CISD2: variants seen among roughly 807,000 people sequenced by gnomAD.
The protein encoded by CISD2 is CDGSH iron-sulfur domain-containing protein 2.
CISD2 carries 1 observed loss-of-function variant against 12.9 expected under a neutral mutation model. The observed-to-expected ratio is 0.08, with a 90% CI of 0.03 to 0.37. CISD2 has a LOEUF of 0.37. Among genes scored for constraint, CISD2 ranks in the 10% least tolerant of loss-of-function variants. CISD2 has a pLI of 0.99. For synonymous variants in CISD2, 50 were observed against 60.6 expected (o/e 0.83, Z 0.81); for missense variants, 97 against 163.1 (o/e 0.59, Z 2.21).
Position 102,887,887 on chromosome 4 carries a change from ATTAC to A in CISD2, c.*460_*463del, listed in dbSNP as rs766208295. 1.9e-4 allele frequency: 31 copies of A among 160,452 alleles called. No homozygotes were observed. Among genetic ancestry groups the A allele is most frequent in the Non-Finnish European group, 3.3e-4 (24 of 73,420 alleles). 9.9% of individuals were successfully genotyped at this position (160,452 alleles called of 1,614,324 possible). A position where few individuals can be genotyped will look rare whatever the true frequency, so the allele number is the denominator to read the frequency against. ...ATTAAGAAAAATATTGCCATCAAGA[ATTAC>A]TTGTGTTTTCACAGAGATAGACTCT... On this transcript the variant is annotated 3_prime_UTR_variant, in exon 3 of 3. Transcript: ENST00000273986.
At chr4:102,886,552 A>G (rs1361894450) in intron 2 of CISD2, among the ~76,000 whole-genome samples, 9 of 152,074 alleles carry the variant, frequency 5.9e-5, no homozygotes, top group Admixed American at 3.3e-4. Flanking sequence ...CCAAACTGTT[A>G]ATTATTATTA....
chr4:102,869,400 C>T, intron 1 of CISD2: 1 of 723,706 alleles, frequency 1.4e-6, no homozygotes, highest in South Asian at 1.5e-5. Flanking sequence ...GTCTTTTGTC[C>T]TCGGAGTTGT....
At position 102,889,580 on chromosome 4, in the gene CISD2, A is replaced by G. The variant is rs1187593127; in HGVS notation, c.*2150A>G. Reference sequence around the variant, plus strand: ...ACATTGAAAATGAATTATCTCATAAAAGGTAATTTTAATACCCCAAAAGTA... The same window carrying G: ...ACATTGAAAATGAATTATCTCATAAGAGGTAATTTTAATACCCCAAAAGTA... On this transcript the variant is annotated 3_prime_UTR_variant, in exon 3 of 3. Transcript: ENST00000273986. The G allele has an allele frequency of 5.3e-5, 8 of 152,270 alleles. No homozygotes were observed. Among genetic ancestry groups the G allele is most frequent in the Non-Finnish European group, 1.2e-4 (8 of 68,040 alleles). The allele number at this position is 152,270 out of a possible 1,614,324, so 9.4% of individuals were successfully genotyped here. A position where few individuals can be genotyped will look rare whatever the true frequency, so the allele number is the denominator to read the frequency against.
intron 1 of CISD2, among the ~76,000 whole-genome samples, chr4:102,881,453 G>A (rs995604485): frequency 2.6e-5 from 4 of 152,186 alleles, no homozygotes; most frequent in African/African-American, 9.7e-5. Flanking sequence ...ATAAATAAAT[G>A]ATAAATGAGG....
chr4:102,886,463 C>T (rs893618234), intron 2 of CISD2, among the ~76,000 whole-genome samples: 13 of 151,868 alleles, frequency 8.6e-5, no homozygotes, highest in African/African-American at 2.4e-4. Context: ...TGCACTCCAG[C>T]CTGGGCGACA....
intron 1 of CISD2, among the ~76,000 whole-genome samples, chr4:102,876,530 A>G (rs1298342030): frequency 6.6e-6 from 1 of 152,214 alleles, no homozygotes; most frequent in Non-Finnish European, 1.5e-5. Context: ...TGGGCAGATC[A>G]TGAGGTCAGG....
intron 1 of CISD2, among the ~76,000 whole-genome samples, chr4:102,881,707 T>A (rs1223677390): frequency 6.6e-6 from 1 of 152,222 alleles, no homozygotes; most frequent in Non-Finnish European, 1.5e-5. Context: ...ATGTTAAGAC[T>A]TTGGTAAGTT....
At position 102,888,493 on chromosome 4, in the gene CISD2, C is replaced by G. The variant is rs1214580915; in HGVS notation, c.*1063C>G. 4 of 152,236 alleles carry G rather than the reference C, an allele frequency of 2.6e-5. No individual in the cohort carries two copies. Among genetic ancestry groups the G allele is most frequent in the Admixed American group, 1.3e-4 (2 of 15,288 alleles). 9.4% of individuals were successfully genotyped at this position (152,236 alleles called of 1,614,324 possible). On this transcript the variant is annotated 3_prime_UTR_variant, in exon 3 of 3. Transcript: ENST00000273986. Reference sequence around the variant, plus strand: ...TGAAAAAAGTATGCGCGTAATTGTACCCACCCAGTTCAAACCCGTGTGTAA... The same window carrying G: ...TGAAAAAAGTATGCGCGTAATTGTAGCCACCCAGTTCAAACCCGTGTGTAA...
chr4:102,878,939 G>T (rs1733651570), intron 1 of CISD2, among the ~76,000 whole-genome samples: 1 of 152,146 alleles, frequency 6.6e-6, no homozygotes, highest in African/African-American at 2.4e-5. Context: ...ATTTATAAAA[G>T]AAATAAGTTT....
chr4:102,885,684 T>TA (rs1456804638), intron 2 of CISD2, among the ~76,000 whole-genome samples: 3 of 152,238 alleles, frequency 2.0e-5, no homozygotes, highest in Non-Finnish European at 2.9e-5. Context: ...ACATGTATTT[T>TA]AAAATACACA....
In CISD2 at chr4:102,890,323, G is replaced by A. The variant is rs1050706627; in HGVS notation, c.*2893G>A. On this transcript the variant is annotated 3_prime_UTR_variant, in exon 3 of 3. Coordinates refer to ENST00000273986, the MANE Select transcript of CISD2 (RefSeq NM_001008388.5). ...CTACCTTCCTCATTGTGATTCCATA[G>A]TCTTCCAATAGAAATGTGCTGTCAG... is the stretch of plus-strand genomic sequence containing the variant. 1 of 152,166 alleles carries A rather than the reference G, an allele frequency of 6.6e-6. No individual in the cohort carries two copies. The highest frequency in any genetic ancestry group is 2.4e-5 in the African/African-American group (1 of 41,426). The allele number at this position is 152,166 out of a possible 1,614,324, so 9.4% of individuals were successfully genotyped here. A position where few individuals can be genotyped will look rare whatever the true frequency, so the allele number is the denominator to read the frequency against.
chr4:102,881,554 TAC>T (rs1293330764), intron 1 of CISD2, among the ~76,000 whole-genome samples: 1 of 152,248 alleles, frequency 6.6e-6, no homozygotes, highest in East Asian at 1.9e-4. Context: ...CATAAATATG[TAC>T]AGTTATTATG....
In CISD2 at chr4:102,888,597, T is replaced by C. The variant is rs1386048817; in HGVS notation, c.*1167T>C. On this transcript the variant is annotated 3_prime_UTR_variant, in exon 3 of 3. Transcript: ENST00000273986. The stretch of plus-strand genomic sequence containing the variant: ...ATTTTTGTGCTTTTTAATCCTACTA[T>C]TATGAATCTTTTTAGTTTCATCTTA... 3 of 152,278 alleles carry C rather than the reference T, an allele frequency of 2.0e-5. No individual in the cohort carries two copies. Among genetic ancestry groups the C allele is most frequent in the African/African-American group, 7.2e-5 (3 of 41,472 alleles). 9.4% of individuals were successfully genotyped at this position (152,278 alleles called of 1,614,324 possible). A position where few individuals can be genotyped will look rare whatever the true frequency, so the allele number is the denominator to read the frequency against.
chr4:102,877,055 G>C (rs558529247), intron 1 of CISD2, among the ~76,000 whole-genome samples: 23 of 152,262 alleles, frequency 1.5e-4, no homozygotes, highest in African/African-American at 5.5e-4. Context: ...TGAGATTTGG[G>C]TGGGGACACA....
intron 1 of CISD2, among the ~76,000 whole-genome samples, chr4:102,876,454 G>A (rs1167464028): frequency 6.6e-6 from 1 of 152,128 alleles, no homozygotes; most frequent in Non-Finnish European, 1.5e-5. Context: ...TGCTATAAAG[G>A]TAACTACTCA....
At chr4:102,885,843 C>A (rs1377392637) in intron 2 of CISD2, among the ~76,000 whole-genome samples, 1 of 152,178 alleles carries the variant, frequency 6.6e-6, no homozygotes, top group African/African-American at 2.4e-5. Context: ...TAACCTGATA[C>A]ATCCACATTA....
At chr4:102,876,254 A>C (rs2110394225) in intron 1 of CISD2, among the ~76,000 whole-genome samples, 1 of 152,360 alleles carries the variant, frequency 6.6e-6, no homozygotes, top group East Asian at 1.9e-4. Context: ...CTTTACAGAC[A>C]AAAGAAACCT....
At chr4:102,870,501 T>C (rs1733409951) in intron 1 of CISD2, among the ~76,000 whole-genome samples, 1 of 152,184 alleles carries the variant, frequency 6.6e-6, no homozygotes, top group Non-Finnish European at 1.5e-5. Flanking sequence ...AGACGCTCTG[T>C]TGAGTGGATT....
intron 1 of CISD2, among the ~76,000 whole-genome samples, chr4:102,878,852 C>T (rs1309066734): frequency 2.0e-5 from 3 of 152,114 alleles, no homozygotes. Flanking sequence ...TCTGTTGTAG[C>T]AATTTACTGT....
Sources: allele counts gnomAD v4.1 joint callset (sites outside exome capture counted in the v4.1 genomes callset), GRCh38; gene constraint gnomAD v4.1.1; transcripts MANE v1.5; gene names NCBI Gene and HGNC (gene_info 2026-07-23, HGNC 2026-07-21).